GPC5: variants seen among roughly 807,000 people sequenced by gnomAD.
The protein encoded by GPC5 is glypican-5.
GPC5 carries 47 observed loss-of-function variants against 53.9 expected under a neutral mutation model. The ratio of observed to expected loss-of-function variants is 0.87; its 90% CI spans 0.69 to 1.11. The LOEUF (loss-of-function observed/expected upper bound fraction) is 1.11, where lower values mean the gene tolerates loss of function less well. Among genes scored for constraint, GPC5 ranks in the 50% most tolerant of loss-of-function variants. The pLI, the probability that GPC5 is intolerant of heterozygous loss-of-function variation, is 0.00. For synonymous variants in GPC5, 286 were observed against 263.3 expected (o/e 1.09, Z -0.84); for missense variants, 748 against 713.1 (o/e 1.05, Z -0.56).
intron 6 of GPC5, among the ~76,000 whole-genome samples, chr13:92,068,832 C>T (rs1195957072): frequency 1.3e-5 from 2 of 151,350 alleles, no homozygotes; most frequent in Admixed American, 6.6e-5. Flanking sequence ...ATTCATACAA[C>T]ATAATATTTG....
In GPC5 at chr13:92,506,873, T is replaced by C. The variant is rs1341683153; in HGVS notation, c.1562-359409T>C. ...AAATTGTGTTATGAAAAGAATATGA[T>C]TCTAAGAATCAGGAGGCTCTTATTG... On this transcript the variant is annotated intron_variant, in intron 7 of 7. Coordinates refer to ENST00000377067, the MANE Select transcript of GPC5 (RefSeq NM_004466.6). Among the ~76,000 whole-genome samples the C allele has an allele frequency of 1.3e-5, 2 of 152,220 alleles. 1 individual carries two copies.
chr13:92,359,433 C>G (rs1417191558), intron 7 of GPC5, among the ~76,000 whole-genome samples: 1 of 151,598 alleles, frequency 6.6e-6, no homozygotes, highest in Non-Finnish European at 1.5e-5. Context: ...CCTCTGAGTC[C>G]TCCAAACTGT....
At chr13:92,696,302 C>T (rs1887554156) in intron 7 of GPC5, among the ~76,000 whole-genome samples, 1 of 150,418 alleles carries the variant, frequency 6.6e-6, no homozygotes, top group African/African-American at 2.5e-5. Flanking sequence ...CAATAATTTA[C>T]ACTCCCACTA....
At chr13:91,712,620 G>A (rs140690473) in intron 3 of GPC5, among the ~76,000 whole-genome samples, 47 of 152,148 alleles carry the variant, frequency 3.1e-4, no homozygotes, top group East Asian at 7.7e-4. Context: ...TGGAAAATCC[G>A]TAACCCACAA....
At chr13:92,585,551 C>T (rs1883510564) in intron 7 of GPC5, among the ~76,000 whole-genome samples, 1 of 152,100 alleles carries the variant, frequency 6.6e-6, no homozygotes, top group African/African-American at 2.4e-5. Context: ...TCAGATGAGA[C>T]TTTGGACTAT....
chr13:91,612,112 C>T (rs2033570066), intron 2 of GPC5, among the ~76,000 whole-genome samples: 1 of 152,110 alleles, frequency 6.6e-6, no homozygotes, highest in Admixed American at 6.6e-5. Flanking sequence ...GGAAACTTGC[C>T]ATTTCTGTCA....
chr13:91,464,015 A>G (rs1426692901), intron 2 of GPC5, among the ~76,000 whole-genome samples: 1 of 152,136 alleles, frequency 6.6e-6, no homozygotes, highest in Non-Finnish European at 1.5e-5. Flanking sequence ...TTGTATCTAG[A>G]ATATATTAAA....
chr13:92,761,136 A>G (rs1013851403), intron 7 of GPC5, among the ~76,000 whole-genome samples: 9 of 152,138 alleles, frequency 5.9e-5, no homozygotes, highest in Non-Finnish European at 1.2e-4. Context: ...TTCTATATAT[A>G]TGTGTTAAGC....
chr13:92,683,663 A>G (rs1034688699), intron 7 of GPC5, among the ~76,000 whole-genome samples: 4 of 152,210 alleles, frequency 2.6e-5, no homozygotes, highest in Admixed American at 2.0e-4. Flanking sequence ...TATTCAAACT[A>G]AAGACCATGT....
At chr13:91,783,870 C>T (rs1235566032) in intron 5 of GPC5, among the ~76,000 whole-genome samples, 1 of 152,168 alleles carries the variant, frequency 6.6e-6, no homozygotes, top group Non-Finnish European at 1.5e-5. Flanking sequence ...GCCATCAAAT[C>T]AAATGCTAGC....
At chr13:91,811,457 T>C (rs2038310764) in intron 5 of GPC5, among the ~76,000 whole-genome samples, 1 of 152,120 alleles carries the variant, frequency 6.6e-6, no homozygotes, top group African/African-American at 2.4e-5. Flanking sequence ...AACAGTATAT[T>C]AACAGCACAT....
At chr13:92,503,276 G>T (rs184143444) in intron 7 of GPC5, among the ~76,000 whole-genome samples, 1 of 151,734 alleles carries the variant, frequency 6.6e-6, no homozygotes, top group East Asian at 1.9e-4. Flanking sequence ...TTATTCCACA[G>T]TAGCATACTT....
chr13:92,817,321 T>C (rs1214956676), intron 7 of GPC5, among the ~76,000 whole-genome samples: 1 of 151,986 alleles, frequency 6.6e-6, no homozygotes, highest in Admixed American at 6.5e-5. Flanking sequence ...AAATCTACAA[T>C]TCCAATTGCC....
At chr13:92,409,916 A>G (rs74107268) in intron 7 of GPC5, among the ~76,000 whole-genome samples, 19,231 of 152,238 alleles carry the variant, frequency 0.13, 1,641 homozygotes, top group East Asian at 0.44. Context: ...GAGAAGGAAA[A>G]GACAAGAAAG....
At chr13:92,296,782 C>T (rs1404181076) in intron 7 of GPC5, among the ~76,000 whole-genome samples, 3 of 152,200 alleles carry the variant, frequency 2.0e-5, no homozygotes, top group East Asian at 1.9e-4. Flanking sequence ...CCTGCTGGCC[C>T]CGGGCAATGA....
At chr13:92,513,241 G>A (rs1880640809) in intron 7 of GPC5, among the ~76,000 whole-genome samples, 1 of 152,202 alleles carries the variant, frequency 6.6e-6, no homozygotes, top group Non-Finnish European at 1.5e-5. Flanking sequence ...ATTGGACCTA[G>A]AAGTAATGTT....
At chr13:92,641,872 T>C (rs1885605596) in intron 7 of GPC5, among the ~76,000 whole-genome samples, 1 of 152,220 alleles carries the variant, frequency 6.6e-6, no homozygotes, top group Non-Finnish European at 1.5e-5. Context: ...CTCTTTCATC[T>C]GGACATATTC....
intron 2 of GPC5, among the ~76,000 whole-genome samples, chr13:91,460,884 C>T (rs1881889663): frequency 6.6e-6 from 1 of 152,036 alleles, no homozygotes; most frequent in South Asian, 2.1e-4. Context: ...TTTCTTTCCT[C>T]AGACAAATAG....
chr13:92,482,528 G>A (rs1191190270), intron 7 of GPC5, among the ~76,000 whole-genome samples: 4 of 152,126 alleles, frequency 2.6e-5, no homozygotes, highest in African/African-American at 9.7e-5. Context: ...TAGAGTAAAA[G>A]ATTCTTTAAC....
Sources: gnomAD v4.1 joint callset for allele counts (sites outside exome capture counted in the v4.1 genomes callset) on GRCh38, gnomAD v4.1.1 for gene constraint, MANE v1.5 for transcripts, NCBI Gene and HGNC (gene_info 2026-07-23, HGNC 2026-07-21) for gene names.